The following INPP4B variants were observed in gnomAD, a reference collection of about 807,000 sequenced individuals.
The protein encoded by INPP4B is inositol polyphosphate 4-phosphatase type II.
Under a neutral mutation model 122.5 loss-of-function variants are expected in INPP4B, and 55 were observed. The observed-to-expected ratio is 0.45, with a 90% CI of 0.36 to 0.56. The LOEUF (loss-of-function observed/expected upper bound fraction) is 0.56. INPP4B is among the 20% of genes least tolerant of loss of function. The probability of loss-of-function intolerance (pLI) is 0.00; values close to 1 mark genes in which losing one functional copy is unlikely to be tolerated. For synonymous variants in INPP4B, 403 were observed against 388.7 expected (o/e 1.04, Z -0.43); for missense variants, 1,000 against 1,097.7 (o/e 0.91, Z 1.26).
chr4:142,343,115 T>C (rs1032546710), intron 7 of INPP4B, among the ~76,000 whole-genome samples: 1 of 152,140 alleles, frequency 6.6e-6, no homozygotes, highest in African/African-American at 2.4e-5. Flanking sequence ...AATTTCAGTA[T>C]AAGAATCATC....
chr4:142,599,727 C>T (rs968947108), intron 2 of INPP4B, among the ~76,000 whole-genome samples: 1 of 151,612 alleles, frequency 6.6e-6, no homozygotes, highest in Non-Finnish European at 1.5e-5. Context: ...TCAAACTTAT[C>T]ATACAAAAAA....
At chr4:142,513,566 C>T (rs2149879557) in intron 2 of INPP4B, among the ~76,000 whole-genome samples, 1 of 152,234 alleles carries the variant, frequency 6.6e-6, no homozygotes, top group African/African-American at 2.4e-5. Flanking sequence ...TGCCACCATT[C>T]CCAGCTAGTT....
chr4:142,278,510 T>C (rs1429770845), intron 9 of INPP4B, among the ~76,000 whole-genome samples: 7 of 151,912 alleles, frequency 4.6e-5, no homozygotes, highest in Admixed American at 2.0e-4. Flanking sequence ...GATGGCAGTA[T>C]TTAGGGCTCA....
chr4:142,133,741 T>C (rs1802493921), intron 18 of INPP4B, among the ~76,000 whole-genome samples: 1 of 152,220 alleles, frequency 6.6e-6, no homozygotes, highest in Admixed American at 6.5e-5. Flanking sequence ...TTCCTGAATA[T>C]GGTAGGGACA....
chr4:142,245,821 T>C (rs903645495), intron 11 of INPP4B, among the ~76,000 whole-genome samples: 1 of 125,928 alleles, frequency 7.9e-6, no homozygotes, highest in African/African-American at 3.0e-5. Context: ...TGTATACATA[T>C]ATGTGTATGT....
chr4:142,595,221 G>C (rs1364925), intron 2 of INPP4B, among the ~76,000 whole-genome samples: 91,159 of 151,722 alleles, frequency 0.6, 28,808 homozygotes, highest in East Asian at 0.79. Flanking sequence ...TCTCTTAGTG[G>C]TATTTCCTCT....
intron 1 of INPP4B, among the ~76,000 whole-genome samples, chr4:142,792,292 G>A (rs989342517): frequency 1.3e-5 from 2 of 150,804 alleles, no homozygotes; most frequent in African/African-American, 4.9e-5. Flanking sequence ...TACTCCAATT[G>A]GCAAAACAAT....
At chr4:142,379,812 C>T (rs1000630583) in intron 7 of INPP4B, among the ~76,000 whole-genome samples, 5 of 152,196 alleles carry the variant, frequency 3.3e-5, no homozygotes, top group South Asian at 2.1e-4. Context: ...TCAGTGTCCA[C>T]GTCAGGCACT....
chr4:142,082,679 ATTT>A (rs1774580522), intron 24 of INPP4B, among the ~76,000 whole-genome samples: 3 of 152,174 alleles, frequency 2.0e-5, no homozygotes, highest in Admixed American at 6.6e-5. Context: ...ATGTTATGAG[ATTT>A]TAAACATCCT....
chr4:142,491,371 A>G (rs1399592607), intron 2 of INPP4B, among the ~76,000 whole-genome samples: 1 of 152,212 alleles, frequency 6.6e-6, no homozygotes, highest in Non-Finnish European at 1.5e-5. Flanking sequence ...CCCAAAACAC[A>G]GGCAACTAAA....
intron 2 of INPP4B, among the ~76,000 whole-genome samples, chr4:142,479,642 G>A (rs1164166220): frequency 6.6e-6 from 1 of 152,084 alleles, no homozygotes; most frequent in African/African-American, 2.4e-5. Flanking sequence ...AAAAAAGAAT[G>A]AGATCATGTC....
chr4:142,434,778 G>A (rs1481988197), intron 3 of INPP4B, among the ~76,000 whole-genome samples: 3 of 152,084 alleles, frequency 2.0e-5, no homozygotes, highest in African/African-American at 7.2e-5. Flanking sequence ...GCATGAGAGA[G>A]GACAATCTAT....
In INPP4B at chr4:142,455,645, G is replaced by A. The variant is rs531635182; in HGVS notation, c.-127+7018C>T. ...AATGCAGATATCTCTTCTATATACTGTTTTTCTTTCTTGTGGGTATATATC... is the reference window on the plus strand; with the variant it reads ...AATGCAGATATCTCTTCTATATACTATTTTTCTTTCTTGTGGGTATATATC... On this transcript the variant is annotated intron_variant, in intron 3 of 25. Transcript: ENST00000262992. 7.2e-5 allele frequency among the ~76,000 whole-genome samples: 11 copies of A among 152,072 alleles called. No individual in the cohort carries two copies. The East Asian group carries it at 2.1e-3, about 29-fold the overall frequency.
chr4:142,567,389 A>G (rs144840191), intron 2 of INPP4B, among the ~76,000 whole-genome samples: 1 of 152,158 alleles, frequency 6.6e-6, no homozygotes, highest in East Asian at 1.9e-4. Context: ...ACTAACTACA[A>G]CTAGTCACTC....
chr4:142,684,319 T>C (rs995143487), intron 2 of INPP4B, among the ~76,000 whole-genome samples: 2 of 152,064 alleles, frequency 1.3e-5, no homozygotes, highest in Admixed American at 1.3e-4. Context: ...CAAAAGGGAT[T>C]GCATGGGAAT....
At chr4:142,418,134 T>G (rs1562055206) in intron 5 of INPP4B, among the ~76,000 whole-genome samples, 1 of 152,162 alleles carries the variant, frequency 6.6e-6, no homozygotes, top group Non-Finnish European at 1.5e-5. Flanking sequence ...CTTGTCAATT[T>G]TCTCTAAAAG....
At chr4:142,384,289 T>G (rs965041076) in intron 7 of INPP4B, among the ~76,000 whole-genome samples, 1 of 152,232 alleles carries the variant, frequency 6.6e-6, no homozygotes. Flanking sequence ...ATTACAGTCA[T>G]GCATTGCATA....
At chr4:142,705,650 C>T (rs561098803) in intron 2 of INPP4B, among the ~76,000 whole-genome samples, 1 of 152,076 alleles carries the variant, frequency 6.6e-6, no homozygotes, top group Admixed American at 6.6e-5. Flanking sequence ...GAGATTGATT[C>T]CTACCTCTGC....
intron 18 of INPP4B, among the ~76,000 whole-genome samples, chr4:142,142,539 G>A (rs904679592): frequency 3.3e-5 from 5 of 151,972 alleles, no homozygotes; most frequent in African/African-American, 1.2e-4. Context: ...AATATAAGAT[G>A]AGCCTAGAGC....
Sources: gnomAD v4.1 joint callset for allele counts (sites outside exome capture counted in the v4.1 genomes callset) on GRCh38, gnomAD v4.1.1 for gene constraint, MANE v1.5 for transcripts, NCBI Gene and HGNC (gene_info 2026-07-23, HGNC 2026-07-21) for gene names.